The following CCDC68 variants were observed in gnomAD, a reference collection of about 807,000 sequenced individuals.
CCDC68 encodes coiled-coil domain containing 68, also known as coiled-coil domain-containing protein 68.
CCDC68 carries 45 observed loss-of-function variants against 47.1 expected under a neutral mutation model. That is an observed-to-expected ratio of 0.96 (90% CI 0.75 to 1.23). The LOEUF is 1.23. CCDC68 is among the 50% of genes most tolerant of loss of function. The pLI is 0.00. For missense variants in CCDC68, 353 were observed against 373.6 expected (o/e 0.94, Z 0.45); for synonymous variants, 131 against 129.5 (o/e 1.01, Z -0.08).
At chr18:54,913,640 ATTT>A (rs11341657) in intron 10 of CCDC68, among the ~76,000 whole-genome samples, 1 of 149,630 alleles carries the variant, frequency 6.7e-6, no homozygotes. Flanking sequence ...TGTCTCTACA[ATTT>A]TTTTTTTTGT....
intron 10 of CCDC68, among the ~76,000 whole-genome samples, chr18:54,908,649 A>T (rs1276217658): frequency 6.6e-6 from 1 of 152,212 alleles, no homozygotes; most frequent in Non-Finnish European, 1.5e-5. Flanking sequence ...GAGATAAAAA[A>T]ATACGTCAAG....
At chr18:54,948,007 G>A (rs1245933983) in intron 1 of CCDC68, among the ~76,000 whole-genome samples, 4 of 152,142 alleles carry the variant, frequency 2.6e-5, no homozygotes, top group Non-Finnish European at 5.9e-5. Flanking sequence ...CAGGCACCCA[G>A]GAGAATCTAA....
intron 10 of CCDC68, among the ~76,000 whole-genome samples, chr18:54,909,686 G>C (rs896048856): frequency 2.0e-5 from 3 of 152,248 alleles, no homozygotes; most frequent in African/African-American, 7.2e-5. Context: ...GACTGCTACA[G>C]TGGGGCACAC....
intron 1 of CCDC68, among the ~76,000 whole-genome samples, chr18:54,958,569 C>T (rs552885818): frequency 6.6e-6 from 1 of 152,216 alleles, no homozygotes; most frequent in East Asian, 1.9e-4. Context: ...TAATGGGGAG[C>T]AGGTACACCT....
intron 1 of CCDC68, among the ~76,000 whole-genome samples, chr18:54,948,111 T>C (rs922519175): frequency 1.3e-5 from 2 of 152,128 alleles, no homozygotes; most frequent in African/African-American, 4.8e-5. Context: ...GTGTCCTCCC[T>C]TCAAATTCAT....
At chr18:54,946,612 A>C (rs1473389458) in intron 1 of CCDC68, among the ~76,000 whole-genome samples, 3 of 152,220 alleles carry the variant, frequency 2.0e-5, no homozygotes, top group Non-Finnish European at 4.4e-5. Flanking sequence ...TAATTTGAAA[A>C]TTGCATCGGG....
At position 54,934,922 on chromosome 18, in the gene CCDC68, T is replaced by G. The variant is rs767807727; in HGVS notation, c.498A>C (p.Lys166Asn). 3.8e-6 allele frequency: 6 copies of G among 1,593,394 alleles called. No homozygotes were observed. Among genetic ancestry groups the G allele is most frequent in the Non-Finnish European group, 4.3e-6 (5 of 1,172,188 alleles). The change falls in exon 7 of 12, where the codon AAA becomes AAC. Residue 166 changes from lysine (K) to asparagine (N), a missense_variant. By Grantham distance (94) the Lys-to-Asn change is moderately conservative. Transcript: ENST00000591504. The stretch of plus-strand genomic sequence containing the variant: ...TCAGATTTTCAACATGTTGTTTCAA[T>G]TTCTGTTCTTTTTCAAGCTTGTTAA... ...LQVNKLEKEQKLKQHVENLNQ... is the reference protein window; with the variant it reads ...LQVNKLEKEQNLKQHVENLNQ...
intron 8 of CCDC68, among the ~76,000 whole-genome samples, chr18:54,920,087 G>C (rs925055591): frequency 2.0e-5 from 3 of 152,070 alleles, no homozygotes; most frequent in Non-Finnish European, 4.4e-5. Context: ...TACTGTTTTG[G>C]CTGTTTCTCT....
intron 1 of CCDC68, among the ~76,000 whole-genome samples, chr18:54,956,142 A>G (rs144108980): frequency 6.6e-6 from 1 of 152,074 alleles, no homozygotes; most frequent in Non-Finnish European, 1.5e-5. Flanking sequence ...GGCGCATGCC[A>G]CCACGCCCAG....
In CCDC68 at chr18:54,956,648, AG is replaced by A. The variant is rs141454497; in HGVS notation, c.-103+2687del. 7.6e-4 allele frequency among the ~76,000 whole-genome samples: 116 copies of A among 152,376 alleles called. 3 individuals carry two copies. In the East Asian group the frequency reaches 0.02, roughly 26 times the overall value. ...CTCAACAGCTATTCTAACTGAAAAA[AG>A]CCAGATGCTAAAGACTATATATTGT... On this transcript the variant is annotated intron_variant, in intron 1 of 11. Coordinates refer to ENST00000591504, the MANE Select transcript of CCDC68 (RefSeq NM_025214.3).
chr18:54,915,996 A>T (rs2043944719), intron 10 of CCDC68, among the ~76,000 whole-genome samples: 1 of 152,156 alleles, frequency 6.6e-6, no homozygotes, highest in South Asian at 2.1e-4. Context: ...AAAATATTTT[A>T]TCAAGTAACA....
At chr18:54,911,586 T>C (rs973505887) in intron 10 of CCDC68, among the ~76,000 whole-genome samples, 5 of 152,166 alleles carry the variant, frequency 3.3e-5, no homozygotes, top group Non-Finnish European at 7.3e-5. Flanking sequence ...GATTTCCTCA[T>C]ATAATGAATA....
intron 10 of CCDC68, among the ~76,000 whole-genome samples, chr18:54,914,516 T>C (rs1308977976): frequency 1.3e-5 from 2 of 151,468 alleles, no homozygotes; most frequent in Non-Finnish European, 2.9e-5. Context: ...TATTTGGGAG[T>C]GTGAGGTAGG....
intron 1 of CCDC68, among the ~76,000 whole-genome samples, chr18:54,956,119 A>G (rs1244045645): frequency 3.3e-5 from 5 of 152,100 alleles, no homozygotes; most frequent in Non-Finnish European, 7.4e-5. Context: ...CCTCCCGAGT[A>G]GCTGGAATTA....
intron 6 of CCDC68, among the ~76,000 whole-genome samples, chr18:54,936,531 C>T (rs188360170): frequency 2.0e-5 from 3 of 151,976 alleles, no homozygotes; most frequent in Admixed American, 6.6e-5. Flanking sequence ...AGAGAAGTTA[C>T]CAGCCCAGCT....
chr18:54,930,927 A>T (rs1263099350), intron 7 of CCDC68, among the ~76,000 whole-genome samples: 1 of 151,668 alleles, frequency 6.6e-6, no homozygotes, highest in African/African-American at 2.4e-5. Flanking sequence ...CATGTTGGTC[A>T]GGCTGGTCTC....
chr18:54,926,410 G>GTGAGAACTCA (rs1325593971), intron 8 of CCDC68, among the ~76,000 whole-genome samples: 6 of 152,296 alleles, frequency 3.9e-5, no homozygotes, highest in African/African-American at 1.4e-4. Context: ...ATCAGAACTT[G>GTGAGAACTCA]TGAGAACTCA....
chr18:54,927,251 G>C (rs1272962010), intron 8 of CCDC68, among the ~76,000 whole-genome samples: 1 of 152,112 alleles, frequency 6.6e-6, no homozygotes, highest in Non-Finnish European at 1.5e-5. Context: ...CTGGATGTTG[G>C]AAAAACCTTT....
chr18:54,926,187 T>G (rs77932491), intron 8 of CCDC68, among the ~76,000 whole-genome samples: 1 of 152,316 alleles, frequency 6.6e-6, no homozygotes, highest in African/African-American at 2.4e-5. Context: ...TATTAGTCTG[T>G]TCTCATGCTG....
Sources: gnomAD v4.1 joint callset for allele counts (sites outside exome capture counted in the v4.1 genomes callset) on GRCh38, gnomAD v4.1.1 for gene constraint, MANE v1.5 for transcripts, NCBI Gene and HGNC (gene_info 2026-07-23, HGNC 2026-07-21) for gene names.